Variants in HS3ST5 observed in about 807,000 individuals in gnomAD.
HS3ST5 encodes heparan sulfate glucosamine 3-O-sulfotransferase 5.
In HS3ST5, 10 loss-of-function variants were observed where a neutral mutation model predicts 25.4. The observed-to-expected ratio is 0.39, with a 90% CI of 0.24 to 0.67. HS3ST5 has a LOEUF of 0.67. HS3ST5 is among the 30% of genes least tolerant of loss of function. HS3ST5 has a pLI of 0.44. For missense variants in HS3ST5, 324 were observed against 420.7 expected, an observed-to-expected ratio of 0.77 and a Z score of 2.01; for synonymous variants, 170 against 162.4, an observed-to-expected ratio of 1.05 and a Z score of -0.36.
chr6:114,333,098 G>A (rs1215052897), intron 1 of HS3ST5, among the ~76,000 whole-genome samples: 1 of 152,168 alleles, frequency 6.6e-6, no homozygotes, highest in Non-Finnish European at 1.5e-5. Flanking sequence ...AGAGGATGGA[G>A]ATCCAAGGCT....
At position 114,314,180 on chromosome 6, in the gene HS3ST5, G is replaced by A. The variant is rs373977882; in HGVS notation, c.-339+28015C>T. Among the ~76,000 whole-genome samples, 47 of 152,150 alleles carry A rather than the reference G, an allele frequency of 3.1e-4. 1 individual carries two copies. The East Asian group carries it at 3.5e-3, about 11-fold the overall frequency. ...TGGCCTCAAGTGATCCACCCGCCTCGGCCTCTCAAAGTGCTGGGATTACAG... is the reference window on the plus strand; with the variant it reads ...TGGCCTCAAGTGATCCACCCGCCTCAGCCTCTCAAAGTGCTGGGATTACAG... On this transcript the variant is annotated intron_variant, in intron 1 of 4. Transcript: ENST00000312719.
chr6:114,117,266 G>A (rs1776575483), intron 3 of HS3ST5, among the ~76,000 whole-genome samples: 1 of 152,118 alleles, frequency 6.6e-6, no homozygotes, highest in Admixed American at 6.5e-5. Flanking sequence ...ATTCAACCCT[G>A]TCTTGGCTCC....
intron 1 of HS3ST5, among the ~76,000 whole-genome samples, chr6:114,317,589 A>C (rs1445522654): frequency 2.6e-5 from 4 of 152,186 alleles, no homozygotes; most frequent in African/African-American, 9.7e-5. Context: ...CATTTCATAC[A>C]TCCATCTGTT....
At chr6:114,283,224 A>G (rs977899072) in intron 1 of HS3ST5, among the ~76,000 whole-genome samples, 1 of 151,948 alleles carries the variant, frequency 6.6e-6, no homozygotes, top group Non-Finnish European at 1.5e-5. Flanking sequence ...TGCTTAAAAT[A>G]CCAACCTTGG....
At chr6:114,130,209 C>G (rs1307623179) in intron 3 of HS3ST5, among the ~76,000 whole-genome samples, 1 of 152,112 alleles carries the variant, frequency 6.6e-6, no homozygotes, top group Non-Finnish European at 1.5e-5. Context: ...AACTAACAAC[C>G]TTCAACTGTT....
intron 2 of HS3ST5, among the ~76,000 whole-genome samples, chr6:114,184,242 G>A (rs11757479): frequency 0.015 from 2,222 of 151,750 alleles, 32 homozygotes; most frequent in Middle Eastern, 0.024. Context: ...GCTCCTGACT[G>A]CTTATAGTAA....
At chr6:114,238,361 A>T (rs1451498101) in intron 1 of HS3ST5, among the ~76,000 whole-genome samples, 2 of 152,364 alleles carry the variant, frequency 1.3e-5, no homozygotes, top group Middle Eastern at 3.4e-3. Flanking sequence ...AGGAAAGAGC[A>T]TCAGTGTAGA....
At chr6:114,251,306 A>G (rs1353875452) in intron 1 of HS3ST5, among the ~76,000 whole-genome samples, 1 of 152,206 alleles carries the variant, frequency 6.6e-6, no homozygotes, top group Non-Finnish European at 1.5e-5. Context: ...TAGCTCTGTT[A>G]AAGTTGGAGG....
intron 3 of HS3ST5, among the ~76,000 whole-genome samples, chr6:114,114,324 T>C (rs186549115): frequency 4.1e-4 from 63 of 152,292 alleles, no homozygotes; most frequent in Non-Finnish European, 6.9e-4. Flanking sequence ...TTATCCATTG[T>C]GCTGTTACTT....
At chr6:114,120,528 A>G (rs779971252) in intron 3 of HS3ST5, among the ~76,000 whole-genome samples, 1 of 152,096 alleles carries the variant, frequency 6.6e-6, no homozygotes, top group African/African-American at 2.4e-5. Flanking sequence ...TGAACAACAG[A>G]TTTATCTCAC....
At chr6:114,160,933 T>C (rs1488254192) in intron 3 of HS3ST5, among the ~76,000 whole-genome samples, 2 of 152,188 alleles carry the variant, frequency 1.3e-5, no homozygotes, top group Non-Finnish European at 1.5e-5. Context: ...GAATAAATTG[T>C]AATAACCTTT....
At chr6:114,248,005 G>A (rs183000763) in intron 1 of HS3ST5, among the ~76,000 whole-genome samples, 93 of 151,680 alleles carry the variant, frequency 6.1e-4, no homozygotes, top group African/African-American at 2.2e-3. Context: ...TTCGAGACCA[G>A]CCCAGCCAAC....
chr6:114,075,196 A>G (rs1774049228), intron 3 of HS3ST5, among the ~76,000 whole-genome samples: 1 of 152,242 alleles, frequency 6.6e-6, no homozygotes, highest in Non-Finnish European at 1.5e-5. Context: ...TGTTAAACAT[A>G]GAGCTTAGAT....
intron 1 of HS3ST5, among the ~76,000 whole-genome samples, chr6:114,338,097 TA>T (rs374698572): frequency 5.9e-4 from 89 of 152,084 alleles, no homozygotes; most frequent in Non-Finnish European, 9.7e-4. Context: ...ATAAATTATT[TA>T]AAAAAAGTAT....
At chr6:114,152,568 G>A (rs764897414) in intron 3 of HS3ST5, among the ~76,000 whole-genome samples, 16 of 152,110 alleles carry the variant, frequency 1.1e-4, no homozygotes, top group African/African-American at 3.4e-4. Context: ...GAAAGCTCCC[G>A]GCAACTCTAC....
intron 2 of HS3ST5, among the ~76,000 whole-genome samples, chr6:114,190,531 G>A (rs1303146390): frequency 1.3e-5 from 2 of 152,168 alleles, no homozygotes; most frequent in Non-Finnish European, 2.9e-5. Context: ...TTGGAAGGTA[G>A]TTAAGGCACC....
intron 2 of HS3ST5, among the ~76,000 whole-genome samples, chr6:114,190,098 G>T (rs1235212241): frequency 6.6e-6 from 1 of 152,096 alleles, no homozygotes; most frequent in Non-Finnish European, 1.5e-5. Context: ...TTTCAGTTTG[G>T]TACTTTGTTT....
intron 3 of HS3ST5, among the ~76,000 whole-genome samples, chr6:114,106,658 A>C (rs1351129316): frequency 6.6e-6 from 1 of 152,076 alleles, no homozygotes; most frequent in Non-Finnish European, 1.5e-5. Flanking sequence ...TTTTGAAAAA[A>C]CTTCCTTGCT....
In HS3ST5 at chr6:114,055,727, A is replaced by G. The variant is rs1772739779; in HGVS notation, c.*1530T>C. 1 of 152,020 alleles carries G rather than the reference A, an allele frequency of 6.6e-6. No individual in the cohort carries two copies. The highest frequency in any genetic ancestry group is 2.4e-5 in the African/African-American group (1 of 41,380). The allele number at this position is 152,020 out of a possible 1,614,324, so 9.4% of individuals were successfully genotyped here. On this transcript the variant is annotated 3_prime_UTR_variant, in exon 5 of 5. Transcript: ENST00000312719. ...TTGTAATTTTCTGATTTCCCTAGGC[A>G]CTCTCACTGTGATGTTGAACAAAAC...
Sources: gnomAD v4.1 joint callset for allele counts (sites outside exome capture counted in the v4.1 genomes callset) on GRCh38, gnomAD v4.1.1 for gene constraint, MANE v1.5 for transcripts, NCBI Gene and HGNC (gene_info 2026-07-23, HGNC 2026-07-21) for gene names.